NRF1: variants seen among roughly 807,000 people sequenced by gnomAD.
The protein encoded by NRF1 is nuclear respiratory factor 1.
In NRF1, 5 loss-of-function variants were observed where a neutral mutation model predicts 58.5. That is an observed-to-expected ratio of 0.09 (90% CI 0.04 to 0.18). The LOEUF (loss-of-function observed/expected upper bound fraction) is 0.18. Ranked by LOEUF, NRF1 falls within the 10% of genes least tolerant of loss-of-function variation. NRF1 has a pLI of 1.00. For missense variants in NRF1, 288 were observed against 657.7 expected, an observed-to-expected ratio of 0.44 and a Z score of 6.15; for synonymous variants, 224 against 246.7, an observed-to-expected ratio of 0.91 and a Z score of 0.86.
intron 10 of NRF1, among the ~76,000 whole-genome samples, chr7:129,736,441 G>A (rs184343554): frequency 1.3e-5 from 2 of 151,982 alleles, no homozygotes; most frequent in East Asian, 3.9e-4. Context: ...ATTTTTAGTA[G>A]AGATGGGGTT....
At chr7:129,744,022 C>T (rs1416747607) in intron 10 of NRF1, 13 of 588,468 alleles carry the variant, frequency 2.2e-5, no homozygotes, top group Admixed American at 6.4e-5. Context: ...GCATGCTTGC[C>T]GAAGGCTTTC....
At chr7:129,744,149 T>TTTG in intron 10 of NRF1, 1 of 1,502,346 alleles carries the variant, frequency 6.7e-7, no homozygotes, top group Non-Finnish European at 8.9e-7. Flanking sequence ...TTTTTTTTTT[T>TTTG]TAACAGTTCT....
intron 3 of NRF1, among the ~76,000 whole-genome samples, chr7:129,676,187 C>T (rs1802172668): frequency 6.6e-6 from 1 of 152,198 alleles, no homozygotes; most frequent in African/African-American, 2.4e-5. Context: ...AAAACTTTCT[C>T]CATATCAGCA....
intron 5 of NRF1, among the ~76,000 whole-genome samples, chr7:129,694,246 T>G (rs775841124): frequency 1.3e-5 from 2 of 152,220 alleles, no homozygotes; most frequent in African/African-American, 2.4e-5. Flanking sequence ...CAGCTCCCAA[T>G]TGAATGGGAA....
In NRF1 at chr7:129,674,811, C is replaced by T. The variant is rs1802138542; in HGVS notation, c.339-2821C>T. Among the ~76,000 whole-genome samples the T allele has an allele frequency of 4.6e-5, 7 of 152,260 alleles. No homozygotes were observed. In the South Asian group the frequency reaches 1.4e-3, roughly 32 times the overall value. ...GACTCATAATCTTATTGCTGGTTGA[C>T]GGTCTTGCCTCGATGTTGATGACTG... is the stretch of plus-strand genomic sequence containing the variant. On this transcript the variant is annotated intron_variant, in intron 3 of 10. Coordinates refer to ENST00000393232, the MANE Select transcript of NRF1 (RefSeq NM_005011.5).
At chr7:129,650,823 T>G (rs1321120736) in intron 1 of NRF1, among the ~76,000 whole-genome samples, 1 of 152,166 alleles carries the variant, frequency 6.6e-6, no homozygotes, top group African/African-American at 2.4e-5. Flanking sequence ...CTGTGCTGTT[T>G]TATAAAATAG....
intron 1 of NRF1, among the ~76,000 whole-genome samples, chr7:129,625,675 A>ATTTTTTTTT (rs56694598): frequency 2.9e-4 from 26 of 88,974 alleles, no homozygotes; most frequent in East Asian, 6.9e-4. Flanking sequence ...TAATGTTTTA[A>ATTTTTTTTT]TTTTTTTTTT....
chr7:129,644,239 A>G (rs373415043), intron 1 of NRF1, among the ~76,000 whole-genome samples: 1 of 152,374 alleles, frequency 6.6e-6, no homozygotes, highest in Non-Finnish European at 1.5e-5. Context: ...AGGGGCTTAG[A>G]GAGATGTTTC....
intron 10 of NRF1, 102 bp downstream of exon 10, chr7:129,727,467 T>A: frequency 8.4e-7 from 1 of 1,195,946 alleles, no homozygotes; most frequent in East Asian, 3.1e-5. Flanking sequence ...TGAGCTTCGA[T>A]TTTTTTTTCT....
At chr7:129,675,493 A>G (rs765528962) in intron 3 of NRF1, among the ~76,000 whole-genome samples, 4 of 152,206 alleles carry the variant, frequency 2.6e-5, no homozygotes, top group Non-Finnish European at 5.9e-5. Flanking sequence ...TCCTTTCAAA[A>G]TGTATTTCTT....
At chr7:129,700,787 G>A (rs1363563040) in intron 5 of NRF1, among the ~76,000 whole-genome samples, 3 of 152,220 alleles carry the variant, frequency 2.0e-5, no homozygotes, top group East Asian at 3.9e-4. Flanking sequence ...GCATGGTGGT[G>A]CATCCATAGT....
intron 5 of NRF1, among the ~76,000 whole-genome samples, chr7:129,700,008 G>A (rs1399955253): frequency 2.0e-5 from 3 of 151,750 alleles, no homozygotes; most frequent in African/African-American, 7.3e-5. Flanking sequence ...GGGCATGGTG[G>A]CAGGTGTCTG....
intron 1 of NRF1, among the ~76,000 whole-genome samples, chr7:129,619,094 G>A (rs1040211367): frequency 6.6e-6 from 1 of 151,864 alleles, no homozygotes; most frequent in Non-Finnish European, 1.5e-5. Context: ...AAAACTAAGG[G>A]CAACCTTGAA....
At chr7:129,614,727 A>G (rs1800626320) in intron 1 of NRF1, among the ~76,000 whole-genome samples, 1 of 152,206 alleles carries the variant, frequency 6.6e-6, no homozygotes, top group Non-Finnish European at 1.5e-5. Context: ...TAAAGGAGAA[A>G]GGATTTCAGG....
At chr7:129,711,302 C>T (rs563016217) in intron 7 of NRF1, among the ~76,000 whole-genome samples, 173 bp from the exon 8 acceptor site, 40 of 152,234 alleles carry the variant, frequency 2.6e-4, no homozygotes, top group African/African-American at 8.9e-4. Flanking sequence ...TTCTGAAACT[C>T]GTGATAGTCT....
intron 1 of NRF1, among the ~76,000 whole-genome samples, chr7:129,653,708 G>A (rs530171714): frequency 6.6e-6 from 1 of 152,178 alleles, no homozygotes; most frequent in South Asian, 2.1e-4. Context: ...TTTCCAGAAG[G>A]CCATGTAATT....
At chr7:129,672,098 A>G (rs1304084451) in intron 3 of NRF1, among the ~76,000 whole-genome samples, 1 of 151,886 alleles carries the variant, frequency 6.6e-6, no homozygotes, top group African/African-American at 2.4e-5. Context: ...GAGTATCAAG[A>G]GCAAAGGCCC....
chr7:129,675,889 T>C (rs1162679695), intron 3 of NRF1, among the ~76,000 whole-genome samples: 1 of 152,242 alleles, frequency 6.6e-6, no homozygotes, highest in African/African-American at 2.4e-5. Context: ...CATTGACTTC[T>C]CCTCTCTAGC....
intron 2 of NRF1, among the ~76,000 whole-genome samples, chr7:129,669,966 T>C (rs971048595): frequency 1.3e-5 from 2 of 152,224 alleles, no homozygotes; most frequent in African/African-American, 4.8e-5. Flanking sequence ...GATGAATGGC[T>C]AAAGCAAATG....
Sources: allele counts gnomAD v4.1 joint callset (sites outside exome capture counted in the v4.1 genomes callset), GRCh38; gene constraint gnomAD v4.1.1; transcripts MANE v1.5; gene names NCBI Gene and HGNC (gene_info 2026-07-23, HGNC 2026-07-21).